The following NOL7 variants were observed in gnomAD, a reference collection of about 807,000 sequenced individuals.
NOL7 encodes nucleolar protein 7, also known as U3 small nucleolar RNA-associated protein NOL7.
In NOL7, 36 loss-of-function variants were observed where a neutral mutation model predicts 38.4. The ratio of observed to expected loss-of-function variants is 0.94; its 90% CI spans 0.72 to 1.24. The LOEUF is 1.24. NOL7 is among the 50% of genes most tolerant of loss of function. NOL7 has a pLI of 0.00. For missense variants in NOL7, 350 were observed against 315.1 expected (o/e 1.11, Z -0.84); for synonymous variants, 142 against 126.5 (o/e 1.12, Z -0.82).
At chr6:13,624,639 C>T (rs1485919141), downstream of NOL7, among the ~76,000 whole-genome samples, 1 of 152,218 alleles carries the variant, frequency 6.6e-6, no homozygotes, top group Non-Finnish European at 1.5e-5. Flanking sequence ...ATAAAAAGTA[C>T]TTGTTCAGTA....
downstream of NOL7, among the ~76,000 whole-genome samples, chr6:13,626,329 T>C (rs1764601920): frequency 6.6e-6 from 1 of 152,244 alleles, no homozygotes. Flanking sequence ...TCGTCTTCTT[T>C]TCAAACAACT....
chr6:13,624,181 A>G (rs1764535459), downstream of NOL7, among the ~76,000 whole-genome samples: 1 of 152,176 alleles, frequency 6.6e-6, no homozygotes, highest in African/African-American at 2.4e-5. Flanking sequence ...TGAGGACACT[A>G]CTCCTATTCC....
chr6:13,624,334 C>A (rs1014546687), downstream of NOL7, among the ~76,000 whole-genome samples: 2 of 152,150 alleles, frequency 1.3e-5, no homozygotes, highest in African/African-American at 2.4e-5. Context: ...GTCTCCCTAT[C>A]TAAACTACTC....
At chr6:13,632,171 T>G (rs1306356984) in intron 8 of NOL7, among the ~76,000 whole-genome samples, 1 of 119,910 alleles carries the variant, frequency 8.3e-6, no homozygotes, top group Non-Finnish European at 1.7e-5. Flanking sequence ...TTTTTTTGCT[T>G]TAGTCCAATG....
downstream of NOL7, among the ~76,000 whole-genome samples, chr6:13,623,438 C>T (rs1015831967): frequency 2.6e-5 from 4 of 152,028 alleles, no homozygotes; most frequent in Non-Finnish European, 5.9e-5. Context: ...AGGGAAAAAG[C>T]ACAATATCAG....
At chr6:13,627,057 G>T (rs1235748631) in intron 8 of NOL7, among the ~76,000 whole-genome samples, 2 of 152,070 alleles carry the variant, frequency 1.3e-5, no homozygotes, top group East Asian at 3.8e-4. Flanking sequence ...TTTCATTCTG[G>T]GTAGTTTTCT....
chr6:13,624,302 A>G (rs1422944607), downstream of NOL7, among the ~76,000 whole-genome samples: 4 of 152,200 alleles, frequency 2.6e-5, no homozygotes, highest in African/African-American at 9.6e-5. Flanking sequence ...TCTTGCTGTA[A>G]GAGTCCTGGC....
At chr6:13,617,707 TATAAC>T (rs1252481564) in intron 3 of NOL7, 58 bp from the exon 4 acceptor site, 20 of 1,484,618 alleles carry the variant, frequency 1.3e-5, no homozygotes, top group South Asian at 5.7e-5. Context: ...AATGAAATAA[TATAAC>T]ATGTTTTGAG....
chr6:13,625,589 AAACACCCTCTC>A, downstream of NOL7: 1 of 1,199,058 alleles, frequency 8.3e-7, no homozygotes, highest in African/African-American at 1.5e-5. Context: ...ATGCCAGTAC[AAACACCCTCTC>A]TTAAATTTTC....
intron 5 of NOL7, among the ~76,000 whole-genome samples, chr6:13,618,690 G>C (rs1230815143): frequency 2.6e-5 from 4 of 152,096 alleles, no homozygotes; most frequent in African/African-American, 7.2e-5. Context: ...AGAATTTCAA[G>C]ACCAGCCTAG....
chr6:13,626,758 A>C (rs1764617683), intron 8 of NOL7, among the ~76,000 whole-genome samples: 1 of 152,226 alleles, frequency 6.6e-6, no homozygotes, highest in African/African-American at 2.4e-5. Flanking sequence ...GAAATTCCTA[A>C]AGAGCACCAT....
At chr6:13,625,604 A>C (rs371260005), downstream of NOL7, 37 of 1,387,218 alleles carry the variant, frequency 2.7e-5, no homozygotes, top group Middle Eastern at 1.8e-4. Flanking sequence ...CCCTCTCTTA[A>C]ATTTTCAGAG....
At position 13,620,217 on chromosome 6, in the gene NOL7, A is replaced by G; in HGVS notation, c.510A>G (p.Lys170=). The change falls in exon 6 of 8, where the codon AAA becomes AAG. Residue 170 remains lysine, a synonymous_variant. Coordinates refer to ENST00000451315, the MANE Select transcript of NOL7 (RefSeq NM_016167.5). ...TTATATTGATCAACAGCCAGAATAA[A>G]AGCTACTTGGCCGTAAGGCTAAAAG... ...VQKVQSVSQN[K]SYLAVRLKDQ... The G allele has an allele frequency of 6.2e-7, 1 of 1,611,010 alleles. No homozygotes were observed. Among genetic ancestry groups the G allele is most frequent in the Non-Finnish European group, 8.5e-7 (1 of 1,179,200 alleles).
chr6:13,615,638 T>G lies in NOL7; in HGVS notation c.266+14T>G, dbSNP rs1440376437. On this transcript the variant is annotated intron_variant, in intron 1 of 7. Coordinates refer to ENST00000451315, the MANE Select transcript of NOL7 (RefSeq NM_016167.5). ...GACCGTGCGCAGGTTCGGAGCCCGC[T>G]GCCCGGCGGGGAGAACCGCCCTTTC... The G allele has an allele frequency of 6.2e-7, 1 of 1,609,456 alleles. No homozygotes were observed. The highest frequency in any genetic ancestry group is 1.1e-5 in the South Asian group (1 of 90,504).
chr6:13,625,805 C>G, downstream of NOL7: 4 of 1,338,198 alleles, frequency 3.0e-6, no homozygotes, highest in Non-Finnish European at 4.3e-6. Flanking sequence ...TCAAATAGTT[C>G]AACTATTATG....
chr6:13,620,624 G>A, intron 7 of NOL7, 130 bp from the exon 8 acceptor site: 4 of 997,774 alleles, frequency 4.0e-6, no homozygotes. Flanking sequence ...ACAGGTCAAT[G>A]TAGTATGTAT....
At chr6:13,621,784 C>G (rs1764455654), downstream of NOL7, 1 of 152,638 alleles carries the variant, frequency 6.6e-6, no homozygotes. Context: ...ACTACTGGGA[C>G]TAACAGGTCG....
chr6:13,616,966 G>A (rs1584899113), intron 3 of NOL7, among the ~76,000 whole-genome samples: 1 of 152,082 alleles, frequency 6.6e-6, no homozygotes, highest in African/African-American at 2.4e-5. Flanking sequence ...GGTTTAAAGC[G>A]AAAAGCTATA....
chr6:13,621,808 C>T (rs1292439354), downstream of NOL7: 1 of 152,602 alleles, frequency 6.6e-6, no homozygotes, highest in Non-Finnish European at 1.5e-5. Context: ...TTGTAAGTAG[C>T]AACAAACATA....
Sources: gnomAD v4.1 joint callset for allele counts (sites outside exome capture counted in the v4.1 genomes callset) on GRCh38, gnomAD v4.1.1 for gene constraint, MANE v1.5 for transcripts, NCBI Gene and HGNC (gene_info 2026-07-23, HGNC 2026-07-21) for gene names.